ANK2: variants seen among roughly 807,000 people sequenced by gnomAD.
ANK2 encodes ankyrin-2.
A neutral mutation model predicts 360.5 loss-of-function variants in ANK2; 83 were observed. The ratio of observed to expected loss-of-function variants is 0.23; its 90% CI spans 0.19 to 0.28. The LOEUF is 0.28. ANK2 is among the 10% of genes least tolerant of loss of function. The pLI, the probability that ANK2 is intolerant of heterozygous loss-of-function variation, is 1.00. For synonymous variants in ANK2, 1,740 were observed against 1,759.5 expected, an observed-to-expected ratio of 0.99 and a Z score of 0.28; for missense variants, 4,201 against 4,795.7, an observed-to-expected ratio of 0.88 and a Z score of 3.66.
intron 4 of ANK2, among the ~76,000 whole-genome samples, chr4:113,201,858 C>A (rs1382863766): frequency 1.3e-5 from 2 of 151,896 alleles, no homozygotes; most frequent in Non-Finnish European, 2.9e-5. Flanking sequence ...TATAATCATG[C>A]CAAATTATAA....
intron 20 of ANK2, among the ~76,000 whole-genome samples, chr4:113,289,071 A>C (rs955404140): frequency 3.3e-5 from 5 of 152,232 alleles, no homozygotes; most frequent in Admixed American, 6.5e-5. Context: ...TACTTCGTGC[A>C]CTCAATGTGG....
intron 15 of ANK2, 130 bp from the exon 16 acceptor site, chr4:113,277,707 A>G: frequency 1.4e-6 from 1 of 720,736 alleles, no homozygotes; most frequent in South Asian, 1.5e-5. Context: ...TGGCTAACAG[A>G]TTTAATGCTA....
intron 45 of ANK2, chr4:113,378,172 T>C (rs1190489237): frequency 7.9e-7 from 1 of 1,268,748 alleles, no homozygotes; most frequent in South Asian, 1.2e-5. Flanking sequence ...GATGGATCAA[T>C]AATTAAAAGG....
At chr4:112,967,524 T>C (rs1467043616) in intron 2 of ANK2, among the ~76,000 whole-genome samples, 3 of 152,218 alleles carry the variant, frequency 2.0e-5, no homozygotes, top group Admixed American at 2.0e-4. Flanking sequence ...CATTGTTATC[T>C]GGCTTTTATC....
At chr4:113,200,976 T>G (rs1017837356) in intron 4 of ANK2, among the ~76,000 whole-genome samples, 17 of 152,086 alleles carry the variant, frequency 1.1e-4, no homozygotes, top group African/African-American at 4.1e-4. Flanking sequence ...ATATGGTACA[T>G]GTACACCCAT....
intron 1 of ANK2, chr4:112,881,694 T>C: frequency 2.0e-6 from 1 of 501,932 alleles, no homozygotes; most frequent in Non-Finnish European, 3.6e-6. Context: ...CAAACACAGT[T>C]CTCGAGTTTT....
chr4:113,293,618 C>A, intron 22 of ANK2, 80 bp downstream of exon 22: 1 of 1,342,470 alleles, frequency 7.4e-7, no homozygotes, highest in Non-Finnish European at 1.0e-6. Context: ...CTTTTTCACT[C>A]ACAAGATGTT....
chr4:112,938,002 C>T (rs1160652718), intron 2 of ANK2, among the ~76,000 whole-genome samples: 1 of 152,098 alleles, frequency 6.6e-6, no homozygotes, highest in African/African-American at 2.4e-5. Flanking sequence ...ACACTTGGAA[C>T]AGTTTATTAT....
At chr4:113,193,207 A>G (rs1476009470) in intron 2 of ANK2, among the ~76,000 whole-genome samples, 2 of 152,232 alleles carry the variant, frequency 1.3e-5, no homozygotes, top group Non-Finnish European at 2.9e-5. Context: ...TCATTTGGGA[A>G]TTTAAAAGAA....
At chr4:112,911,656 C>G (rs74551040) in intron 2 of ANK2, among the ~76,000 whole-genome samples, 1 of 152,226 alleles carries the variant, frequency 6.6e-6, no homozygotes, top group South Asian at 2.1e-4. Context: ...AACTCTGTTG[C>G]TATGTTTTTC....
intron 1 of ANK2, among the ~76,000 whole-genome samples, chr4:112,863,965 T>A (rs897890529): frequency 6.6e-6 from 1 of 152,190 alleles, no homozygotes; most frequent in African/African-American, 2.4e-5. Flanking sequence ...TTCAAAGAAT[T>A]ACTAAGAGAT....
At chr4:113,052,437 G>A (rs750197177) in intron 1 of ANK2, among the ~76,000 whole-genome samples, 4 of 152,034 alleles carry the variant, frequency 2.6e-5, no homozygotes, top group South Asian at 2.1e-4. Context: ...GAAATCATGC[G>A]TCTATCTCTA....
the ANK2 span, among the ~76,000 whole-genome samples, chr4:112,744,897 A>T: frequency 6.6e-6 from 1 of 152,230 alleles, no homozygotes; most frequent in Non-Finnish European, 1.5e-5. Flanking sequence ...CATCAGGTTA[A>T]ACATATTTTT....
chr4:113,048,157 G>A (rs770722051), upstream of ANK2, among the ~76,000 whole-genome samples: 7 of 140,466 alleles, frequency 5.0e-5, no homozygotes, highest in Non-Finnish European at 9.0e-5. Context: ...TATACTTTAC[G>A]TTCATTGTCT....
At chr4:112,972,440 G>A (rs1452258607) in intron 2 of ANK2, among the ~76,000 whole-genome samples, 1 of 152,016 alleles carries the variant, frequency 6.6e-6, no homozygotes, top group East Asian at 1.9e-4. Flanking sequence ...AAAATTTTCT[G>A]TGCTTCTTAG....
chr4:112,873,716 T>G (rs1348387482), intron 1 of ANK2, among the ~76,000 whole-genome samples: 1 of 151,266 alleles, frequency 6.6e-6, no homozygotes, highest in African/African-American at 2.4e-5. Context: ...TTTTTTTTTT[T>G]TGTATTTTTG....
chr4:113,375,043 A>G, intron 45 of ANK2: 1 of 549,290 alleles, frequency 1.8e-6, no homozygotes, highest in Non-Finnish European at 2.4e-6. Context: ...TCTATACATG[A>G]ATTCATGGAA....
chr4:112,991,264 T>G (rs931534282), intron 2 of ANK2, among the ~76,000 whole-genome samples: 1 of 143,030 alleles, frequency 7.0e-6, no homozygotes, highest in East Asian at 2.1e-4. Context: ...ATCAAGAACC[T>G]CGTGTTGGAG....
At chr4:112,850,445 C>CTTTT (rs548963656) in intron 1 of ANK2, among the ~76,000 whole-genome samples, 2 of 74,238 alleles carry the variant, frequency 2.7e-5, no homozygotes, top group East Asian at 3.9e-4. Flanking sequence ...TTGTTCGTTT[C>CTTTT]TTTTTTTTTT....
Sources: allele counts gnomAD v4.1 joint callset (sites outside exome capture counted in the v4.1 genomes callset), GRCh38; gene constraint gnomAD v4.1.1; transcripts MANE v1.5; gene names NCBI Gene and HGNC (gene_info 2026-07-23, HGNC 2026-07-21).